The following TTC9C variants were observed in gnomAD, a reference collection of about 807,000 sequenced individuals.
The protein encoded by TTC9C is tetratricopeptide repeat domain 9C, also known as tetratricopeptide repeat protein 9C.
A neutral mutation model predicts 22.5 loss-of-function variants in TTC9C; 15 were observed. The ratio of observed to expected loss-of-function variants is 0.67; its 90% CI spans 0.45 to 1.03. TTC9C has a LOEUF of 1.03. Ranked by LOEUF, TTC9C falls within the 50% of genes least tolerant of loss-of-function variation. TTC9C has a pLI of 0.00. For synonymous variants in TTC9C, 92 were observed against 86.8 expected (o/e 1.06, Z -0.33); for missense variants, 244 against 214.6 (o/e 1.14, Z -0.86).
At chr11:62,732,972 C>CTTTT (rs143308039) in intron 1 of TTC9C, 29 of 200,764 alleles carry the variant, frequency 1.4e-4, no homozygotes, top group South Asian at 4.8e-4. Context: ...TATTCCTCCA[C>CTTTT]TTTTTTTTTT....
rs771208172 is a variant in TTC9C, at chr11:62,738,250, TCTAA to T, written c.422-35_422-32del. ...AGGTATGATTATGGTCTTAACTGAC[TCTAA>T]CTGTTTCTAATTGCTTCTCCATCAT... On this transcript the variant is annotated intron_variant, in intron 2 of 2. Coordinates refer to ENST00000316461, the MANE Select transcript of TTC9C (RefSeq NM_173810.4). The T allele has an allele frequency of 3.2e-5, 43 of 1,341,884 alleles. No homozygotes were observed. The Middle Eastern group carries it at 5.4e-4, about 17-fold the overall frequency. 83.1% of individuals were successfully genotyped at this position (1,341,884 alleles called of 1,614,324 possible).
intron 1 of TTC9C, chr11:62,733,011 T>C: frequency 3.0e-6 from 1 of 338,430 alleles, no homozygotes; most frequent in Non-Finnish European, 4.8e-6. Context: ...GGGGATGTTG[T>C]AGAAGGGATA....
At chr11:62,731,289 A>G (rs1167985295) in intron 1 of TTC9C, among the ~76,000 whole-genome samples, 2 of 152,098 alleles carry the variant, frequency 1.3e-5, no homozygotes, top group African/African-American at 4.8e-5. Context: ...CTTGAATGAC[A>G]CTTATCCAGA....
At position 62,728,562 on chromosome 11, in the gene TTC9C, C is replaced by T. The variant is rs1255695591; in HGVS notation, c.-287C>T. On this transcript the variant is annotated 5_prime_UTR_variant, in exon 1 of 3. Coordinates refer to ENST00000316461, the MANE Select transcript of TTC9C (RefSeq NM_173810.4). ...TGAGTTCTTCGGAAAGTCTCATCCA[C>T]CCCCACATCGCCTCTTTAGGAAGTC... is the stretch of plus-strand genomic sequence containing the variant. 1 of 540,646 alleles carries T rather than the reference C, an allele frequency of 1.8e-6. No homozygotes were observed. The highest frequency in any genetic ancestry group is 2.2e-5 in the Admixed American group (1 of 44,952). 33.5% of individuals were successfully genotyped at this position (540,646 alleles called of 1,614,324 possible).
chr11:62,734,869 A>G (rs1012154118), intron 1 of TTC9C, among the ~76,000 whole-genome samples: 2 of 152,236 alleles, frequency 1.3e-5, no homozygotes, highest in Non-Finnish European at 2.9e-5. Context: ...AAATCAGTAA[A>G]TATTGAAGTA....
chr11:62,728,059 G>A (rs1242189093), upstream of TTC9C: 1 of 148,398 alleles, frequency 6.7e-6, no homozygotes, highest in Non-Finnish European at 1.5e-5. Context: ...TTCCCAGGTT[G>A]GTCCGCTGAG....
chr11:62,728,932 G>A lies in TTC9C; in HGVS notation c.84G>A (p.Val28=), dbSNP rs145011075. ...RYREGKYRDA[V]SRYHRALLQL... ...GGGAAGGGAAGTACCGAGATGCTGT[G>A]AGTAGGTACCATCGAGCTCTGCTTC... Residue 28 remains valine, a synonymous_variant, in exon 1 of 3, where the codon GTG becomes GTA. Transcript: ENST00000316461. 1 of 1,614,220 alleles carries A rather than the reference G, an allele frequency of 6.2e-7. No individual in the cohort carries two copies.
intron 1 of TTC9C, among the ~76,000 whole-genome samples, chr11:62,734,410 G>GC (rs2083887380): frequency 6.6e-6 from 1 of 151,802 alleles, no homozygotes; most frequent in Non-Finnish European, 1.5e-5. Context: ...GAACAGCCTG[G>GC]CCAACATGGT....
chr11:62,729,685 C>T (rs1246161759), intron 1 of TTC9C, among the ~76,000 whole-genome samples: 1 of 151,198 alleles, frequency 6.6e-6, no homozygotes, highest in Non-Finnish European at 1.5e-5. Flanking sequence ...AAGCGATTCT[C>T]CTGCCTCAGC....
At chr11:62,732,626 A>AT (rs397704122) in intron 1 of TTC9C, among the ~76,000 whole-genome samples, 1 of 150,632 alleles carries the variant, frequency 6.6e-6, no homozygotes, top group Non-Finnish European at 1.5e-5. Flanking sequence ...AAAAAAAAAA[A>AT]TTAATTTACT....
intron 1 of TTC9C, among the ~76,000 whole-genome samples, chr11:62,731,359 A>G (rs1027512152): frequency 1.3e-5 from 2 of 152,252 alleles, no homozygotes; most frequent in African/African-American, 4.8e-5. Flanking sequence ...GTGGCTCACA[A>G]CTGTAATCCC....
Position 62,738,544 on chromosome 11 carries a change from C to T in TTC9C, c.*162C>T. The T allele has an allele frequency of 1.9e-6, 1 of 529,584 alleles. No individual in the cohort carries two copies. Among genetic ancestry groups the T allele is most frequent in the Non-Finnish European group, 3.4e-6 (1 of 295,370 alleles). The allele number at this position is 529,584 out of a possible 1,614,324, so 32.8% of individuals were successfully genotyped here. A position where few individuals can be genotyped will look rare whatever the true frequency, so the allele number is the denominator to read the frequency against. Reference sequence around the variant, plus strand: ...ACTTCACTACTTAGACAGTCTGAGTCTTTTTCTGTCTATCCATCTGTTTAT... The same window carrying T: ...ACTTCACTACTTAGACAGTCTGAGTTTTTTTCTGTCTATCCATCTGTTTAT... On this transcript the variant is annotated 3_prime_UTR_variant, in exon 3 of 3. Coordinates refer to ENST00000316461, the MANE Select transcript of TTC9C (RefSeq NM_173810.4).
chr11:62,732,877 G>T (rs543787761), intron 1 of TTC9C, among the ~76,000 whole-genome samples: 1 of 152,114 alleles, frequency 6.6e-6, no homozygotes, highest in Admixed American at 6.6e-5. Flanking sequence ...AGCCAAGATC[G>T]TACCAGTGCA....
chr11:62,728,178 C>T (rs746373593), upstream of TTC9C: 5 of 280,156 alleles, frequency 1.8e-5, no homozygotes, highest in South Asian at 6.5e-5. Flanking sequence ...ATCTCTGACC[C>T]TTTCCTCTCC....
chr11:62,734,700 C>T (rs1459292122), intron 1 of TTC9C, among the ~76,000 whole-genome samples: 2 of 152,120 alleles, frequency 1.3e-5, no homozygotes, highest in Admixed American at 1.3e-4. Context: ...CCAGGCTGGT[C>T]TTGAACTCCT....
At chr11:62,731,429 T>C (rs539752158) in intron 1 of TTC9C, among the ~76,000 whole-genome samples, 1 of 152,140 alleles carries the variant, frequency 6.6e-6, no homozygotes, top group South Asian at 2.1e-4. Flanking sequence ...CAACCCGGTC[T>C]CTACAAAAAA....
chr11:62,738,480 C>T lies in TTC9C; in HGVS notation c.*98C>T. On this transcript the variant is annotated 3_prime_UTR_variant, in exon 3 of 3. Transcript: ENST00000316461. Reference sequence around the variant, plus strand: ...TCAGCAAGAGAAATTAACCCTATACCTCTGACCCAGGTGGATTTTTGTTTC... The same window carrying T: ...TCAGCAAGAGAAATTAACCCTATACTTCTGACCCAGGTGGATTTTTGTTTC... 2.5e-6 allele frequency: 2 copies of T among 799,040 alleles called. No homozygotes were observed. The highest frequency in any genetic ancestry group is 4.0e-6 in the Non-Finnish European group (2 of 497,316). 49.5% of individuals were successfully genotyped at this position (799,040 alleles called of 1,614,324 possible).
chr11:62,733,511 A>C (rs1212567202), intron 1 of TTC9C, among the ~76,000 whole-genome samples: 1 of 152,166 alleles, frequency 6.6e-6, no homozygotes, highest in East Asian at 1.9e-4. Flanking sequence ...GCTGCAGTAC[A>C]AGAACTGTGG....
At chr11:62,736,420 C>T (rs1158159849) in intron 2 of TTC9C, among the ~76,000 whole-genome samples, 2 of 151,416 alleles carry the variant, frequency 1.3e-5, no homozygotes, top group East Asian at 1.9e-4. Context: ...TGTGGCCGGG[C>T]GCAGTGGCTC....
Sources: allele counts gnomAD v4.1 joint callset (sites outside exome capture counted in the v4.1 genomes callset), GRCh38; gene constraint gnomAD v4.1.1; transcripts MANE v1.5; gene names NCBI Gene and HGNC (gene_info 2026-07-23, HGNC 2026-07-21).